Variants in XKR9 observed in about 807,000 individuals in gnomAD.
XKR9 encodes the protein XK related 9, also known as XK-related protein 9.
XKR9 carries 32 observed loss-of-function variants against 32.0 expected under a neutral mutation model. That is an observed-to-expected ratio of 1.00 (90% CI 0.76 to 1.34). XKR9 has a LOEUF of 1.34. Among genes scored for constraint, XKR9 ranks in the 40% most tolerant of loss-of-function variants. The pLI, the probability that XKR9 is intolerant of heterozygous loss-of-function variation, is 0.00. For synonymous variants in XKR9, 168 were observed against 143.4 expected (o/e 1.17, Z -1.22); for missense variants, 546 against 429.7 (o/e 1.27, Z -2.39).
chr8:70,988,962 G>C, the XKR9 span, among the ~76,000 whole-genome samples: 2 of 152,110 alleles, frequency 1.3e-5, no homozygotes, highest in African/African-American at 4.8e-5. Context: ...TACCCTCAAG[G>C]TTCATCCATA....
At chr8:70,702,953 C>A (rs751537597) in intron 3 of XKR9, among the ~76,000 whole-genome samples, 8 of 152,082 alleles carry the variant, frequency 5.3e-5, no homozygotes, top group Non-Finnish European at 1.2e-4. Context: ...GAGAAGTCAG[C>A]CAACACTCTC....
intron 2 of XKR9, among the ~76,000 whole-genome samples, chr8:70,770,438 G>C (rs570984372): frequency 6.6e-6 from 1 of 152,170 alleles, no homozygotes; most frequent in African/African-American, 2.4e-5. Flanking sequence ...GAGCTTGAGC[G>C]CTGTGCTGGG....
intron 2 of XKR9, among the ~76,000 whole-genome samples, chr8:70,755,342 T>C (rs2130193570): frequency 6.6e-6 from 1 of 152,260 alleles, no homozygotes; most frequent in South Asian, 2.1e-4. Context: ...ATTGTGGAAG[T>C]CAGTGTGGCG....
intron 4 of XKR9, among the ~76,000 whole-genome samples, chr8:70,731,574 A>G (rs1395614341): frequency 1.3e-5 from 2 of 151,330 alleles, no homozygotes; most frequent in Admixed American, 1.3e-4. Context: ...TAACAAAACA[A>G]GACACCAGTC....
At chr8:70,770,084 C>T (rs1807433653) in intron 2 of XKR9, among the ~76,000 whole-genome samples, 1 of 152,164 alleles carries the variant, frequency 6.6e-6, no homozygotes, top group Non-Finnish European at 1.5e-5. Context: ...GATTTATCTA[C>T]TGTTGCTCTT....
At chr8:70,776,004 C>T (rs1807514787) in intron 2 of XKR9, among the ~76,000 whole-genome samples, 1 of 152,116 alleles carries the variant, frequency 6.6e-6, no homozygotes, top group Non-Finnish European at 1.5e-5. Context: ...TCTCAGCCTC[C>T]CAAATTGCTG....
At chr8:71,002,518 G>C in the XKR9 span, among the ~76,000 whole-genome samples, 1 of 151,810 alleles carries the variant, frequency 6.6e-6, no homozygotes, top group Non-Finnish European at 1.5e-5. Flanking sequence ...ATATAAAATA[G>C]TCTAAAATAA....
At chr8:71,032,976 C>T in the XKR9 span, among the ~76,000 whole-genome samples, 18 of 151,642 alleles carry the variant, frequency 1.2e-4, no homozygotes, top group Middle Eastern at 3.4e-3. Flanking sequence ...CCCAGCTACT[C>T]GGGAGGCTGA....
chr8:70,770,716 G>A (rs1435651206), intron 2 of XKR9, among the ~76,000 whole-genome samples: 2 of 152,172 alleles, frequency 1.3e-5, no homozygotes, highest in Admixed American at 6.5e-5. Context: ...TACACTGTGA[G>A]GGGAAAACTG....
chr8:71,031,277 T>C, the XKR9 span, among the ~76,000 whole-genome samples: 1 of 152,178 alleles, frequency 6.6e-6, no homozygotes, highest in Non-Finnish European at 1.5e-5. Flanking sequence ...TAATTCCTTC[T>C]TCCATATATA....
the XKR9 span, among the ~76,000 whole-genome samples, chr8:70,930,585 A>T: frequency 1.3e-5 from 2 of 152,194 alleles, no homozygotes; most frequent in African/African-American, 2.4e-5. Context: ...CCAGAAAAAA[A>T]TTATTTCAAG....
intron 2 of XKR9, among the ~76,000 whole-genome samples, chr8:70,749,906 G>A (rs1807114175): frequency 6.6e-6 from 1 of 152,118 alleles, no homozygotes; most frequent in African/African-American, 2.4e-5. Flanking sequence ...CTGATATTTA[G>A]AAAATATAAT....
chr8:70,950,264 A>G, the XKR9 span, among the ~76,000 whole-genome samples: 1 of 152,218 alleles, frequency 6.6e-6, no homozygotes, highest in East Asian at 1.9e-4. Flanking sequence ...TAAAATTGTT[A>G]ACAATGACAA....
chr8:70,938,250 C>T, the XKR9 span, among the ~76,000 whole-genome samples: 1 of 151,618 alleles, frequency 6.6e-6, no homozygotes, highest in Non-Finnish European at 1.5e-5. Context: ...GAGTGTGTGT[C>T]CATGTGTGTG....
the XKR9 span, among the ~76,000 whole-genome samples, chr8:70,934,442 G>A: frequency 6.6e-6 from 1 of 152,018 alleles, no homozygotes; most frequent in African/African-American, 2.4e-5. Context: ...ATCCATTTCT[G>A]TAGGATTTGG....
At chr8:70,998,940 C>T in the XKR9 span, among the ~76,000 whole-genome samples, 2 of 152,230 alleles carry the variant, frequency 1.3e-5, no homozygotes, top group South Asian at 4.2e-4. Flanking sequence ...CATCTGGCCC[C>T]CTGTGTCCTT....
intron 2 of XKR9, among the ~76,000 whole-genome samples, chr8:70,752,757 A>T (rs1807160350): frequency 6.6e-6 from 1 of 152,206 alleles, no homozygotes; most frequent in Non-Finnish European, 1.5e-5. Context: ...TCTGGGACAC[A>T]TTTAAAGCAG....
the XKR9 span, among the ~76,000 whole-genome samples, chr8:70,867,944 C>A: frequency 6.6e-6 from 1 of 152,294 alleles, no homozygotes; most frequent in East Asian, 1.9e-4. Flanking sequence ...TTGGCCAAAA[C>A]AAAGGGGCCA....
chr8:70,889,394 A>T, the XKR9 span, among the ~76,000 whole-genome samples: 1 of 151,572 alleles, frequency 6.6e-6, no homozygotes, highest in Non-Finnish European at 1.5e-5. Flanking sequence ...TTAATTTTAA[A>T]AACTTTTATC....
Sources: gnomAD v4.1 joint callset for allele counts (sites outside exome capture counted in the v4.1 genomes callset) on GRCh38, gnomAD v4.1.1 for gene constraint, MANE v1.5 for transcripts, NCBI Gene and HGNC (gene_info 2026-07-23, HGNC 2026-07-21) for gene names.